The following IGSF11 variants were observed in gnomAD, a reference collection of about 807,000 sequenced individuals.
IGSF11 encodes the protein CXADR like 1.
IGSF11 carries 22 observed loss-of-function variants against 41.0 expected under a neutral mutation model. That is an observed-to-expected ratio of 0.54 (90% CI 0.38 to 0.77). The LOEUF (loss-of-function observed/expected upper bound fraction) is 0.77, where lower values mean the gene tolerates loss of function less well. IGSF11 is among the 30% of genes least tolerant of loss of function. IGSF11 has a pLI of 0.00. For synonymous variants in IGSF11, 219 were observed against 201.3 expected, an observed-to-expected ratio of 1.09 and a Z score of -0.74; for missense variants, 444 against 530.8, an observed-to-expected ratio of 0.84 and a Z score of 1.61.
At chr3:118,925,091 A>T (rs1298123289) in intron 4 of IGSF11, among the ~76,000 whole-genome samples, 1 of 152,196 alleles carries the variant, frequency 6.6e-6, no homozygotes, top group African/African-American at 2.4e-5. Context: ...TGTTGAAAAG[A>T]AGTTTTTTTT....
At chr3:118,952,869 T>C (rs113170357) in intron 1 of IGSF11, among the ~76,000 whole-genome samples, 1,857 of 152,276 alleles carry the variant, frequency 0.012, 42 homozygotes, top group African/African-American at 0.042. Context: ...TTTATGTTGT[T>C]ATTTTTCCTG....
In IGSF11 at chr3:119,100,872, A is replaced by G. The variant is rs12637383; in HGVS notation, c.49+4272T>C. ...AAACTGTTCACAAATATGTAAATCGAAAGTCATGGAATGGGATGACATAAC... is the reference window on the plus strand; with the variant it reads ...AAACTGTTCACAAATATGTAAATCGGAAGTCATGGAATGGGATGACATAAC... On this transcript the variant is annotated intron_variant, in intron 1 of 6. Coordinates refer to the IGSF11 transcript ENST00000354673. Among the ~76,000 whole-genome samples the G allele has an allele frequency of 1.1e-4, 16 of 152,364 alleles. No individual in the cohort carries two copies. The East Asian group carries it at 3.1e-3, about 29-fold the overall frequency.
chr3:119,124,292 G>A (rs1289850775), intron 1 of IGSF11, among the ~76,000 whole-genome samples: 6 of 97,870 alleles, frequency 6.1e-5, no homozygotes, highest in Admixed American at 3.6e-4. Context: ...TTTTTTTTGA[G>A]ATAGTTTCTT....
At chr3:118,932,404 C>A (rs574184945) in intron 1 of IGSF11, among the ~76,000 whole-genome samples, 248 of 152,274 alleles carry the variant, frequency 1.6e-3, no homozygotes, top group Non-Finnish European at 2.9e-3. Flanking sequence ...ATGCATAACA[C>A]CTTCCCTGTA....
chr3:118,987,902 A>G (rs1271998627), intron 1 of IGSF11, among the ~76,000 whole-genome samples: 1 of 152,248 alleles, frequency 6.6e-6, no homozygotes, highest in African/African-American at 2.4e-5. Flanking sequence ...TTACACATGC[A>G]TATGACTGAT....
intron 1 of IGSF11, among the ~76,000 whole-genome samples, chr3:119,057,651 A>G (rs147492915): frequency 0.016 from 2,425 of 152,290 alleles, 30 homozygotes; most frequent in Middle Eastern, 0.051. Flanking sequence ...CCAAAAAAGA[A>G]CCCGCATTGA....
chr3:119,039,565 G>A (rs935087624), upstream of IGSF11, among the ~76,000 whole-genome samples: 4 of 152,180 alleles, frequency 2.6e-5, no homozygotes, highest in African/African-American at 9.6e-5. Flanking sequence ...GGATTAGGAA[G>A]TGGGGAATCC....
chr3:118,942,729 C>T (rs1943794469), intron 1 of IGSF11, among the ~76,000 whole-genome samples: 1 of 152,228 alleles, frequency 6.6e-6, no homozygotes, highest in Non-Finnish European at 1.5e-5. Context: ...CCTACCTCTT[C>T]TAAGCCTATC....
At chr3:119,022,179 C>A (rs940706467) in intron 1 of IGSF11, among the ~76,000 whole-genome samples, 2 of 152,012 alleles carry the variant, frequency 1.3e-5, no homozygotes, top group Non-Finnish European at 2.9e-5. Context: ...AAGCCAGACA[C>A]AAAGGATAAA....
chr3:119,036,785 C>A (rs1020943534), upstream of IGSF11, among the ~76,000 whole-genome samples: 5 of 152,140 alleles, frequency 3.3e-5, 1 homozygote, highest in East Asian at 1.9e-4. Context: ...AGATAGAGTT[C>A]TGCCTCTTTG....
intron 1 of IGSF11, among the ~76,000 whole-genome samples, chr3:118,954,858 G>C (rs555632705): frequency 1.3e-5 from 2 of 152,172 alleles, no homozygotes; most frequent in South Asian, 4.1e-4. Flanking sequence ...AAACCACAAT[G>C]CGATACCACC....
rs143207671 is a variant in IGSF11 at position 118,904,712 on chromosome 3, C to T, written c.790G>A (p.Ala264Thr). ...IIFCIALILGAFFYWRSKNKE... is the reference protein window; with the variant it reads ...IIFCIALILGTFFYWRSKNKE... ...TTTTTGCTTCTCCAGTAAAAGAATG[C>T]CCCTAAAATTAGTGCAATGCAAAAA... Residue 264 changes from alanine (A) to threonine (T), a missense_variant, in exon 6 of 7, where the codon GCA (alanine) becomes ACA (threonine). Ala to Thr is a moderately conservative substitution (Grantham distance 58). Around this residue, in one of 3 missense-constraint regions of IGSF11, gnomAD observed 223 missense variants for 226.2 expected, o/e 0.99. Coordinates refer to ENST00000393775, the MANE Select transcript of IGSF11 (RefSeq NM_001015887.3). 324 of 1,612,372 alleles carry T rather than the reference C, an allele frequency of 2.0e-4. No individual in the cohort carries two copies. The highest frequency in any genetic ancestry group is 2.4e-4 in the Non-Finnish European group (277 of 1,178,710).
intron 1 of IGSF11, among the ~76,000 whole-genome samples, chr3:119,012,512 T>C (rs1938245215): frequency 1.3e-5 from 2 of 152,204 alleles, no homozygotes; most frequent in South Asian, 4.1e-4. Context: ...TTCTAAGATC[T>C]GGCTGGCTCA....
intron 1 of IGSF11, among the ~76,000 whole-genome samples, chr3:118,959,773 G>A (rs1204757625): frequency 6.6e-6 from 1 of 152,176 alleles, no homozygotes; most frequent in Non-Finnish European, 1.5e-5. Flanking sequence ...TGTGGGCCGG[G>A]CGCAGTAGCT....
At chr3:119,002,310 G>C (rs1410349576) in intron 1 of IGSF11, among the ~76,000 whole-genome samples, 1 of 149,572 alleles carries the variant, frequency 6.7e-6, no homozygotes, top group Non-Finnish European at 1.5e-5. Context: ...CCCACTTTTT[G>C]ATGGGGTTGT....
intron 1 of IGSF11, among the ~76,000 whole-genome samples, chr3:119,096,780 G>C (rs1392210875): frequency 6.6e-6 from 1 of 152,182 alleles, no homozygotes; most frequent in African/African-American, 2.4e-5. Context: ...TATACAAATA[G>C]TAACTTTCTC....
intron 1 of IGSF11, among the ~76,000 whole-genome samples, chr3:119,141,848 G>T (rs1350326573): frequency 6.6e-6 from 1 of 151,966 alleles, no homozygotes; most frequent in Non-Finnish European, 1.5e-5. Flanking sequence ...TATAAAGAGG[G>T]CATTCCTCAA....
chr3:119,101,336 C>T (rs2076936820), intron 1 of IGSF11, among the ~76,000 whole-genome samples: 1 of 151,986 alleles, frequency 6.6e-6, no homozygotes, highest in South Asian at 2.1e-4. Flanking sequence ...ATGGAGAAAC[C>T]CTGTCTCTAC....
At chr3:118,922,877 T>C (rs1941952929) in intron 4 of IGSF11, among the ~76,000 whole-genome samples, 1 of 152,154 alleles carries the variant, frequency 6.6e-6, no homozygotes, top group African/African-American at 2.4e-5. Flanking sequence ...ACCAACTCAG[T>C]TCTTCCCACT....
Sources: gnomAD v4.1 joint callset for allele counts (sites outside exome capture counted in the v4.1 genomes callset) on GRCh38, gnomAD v4.1.1 for gene constraint, gnomAD v4.1.1 regional missense constraint, MANE v1.5 for transcripts, NCBI Gene and HGNC (gene_info 2026-07-23, HGNC 2026-07-21) for gene names.